The following SLC35F4 variants were observed in gnomAD, a reference collection of about 807,000 sequenced individuals.
SLC35F4 encodes chromosome 14 open reading frame 36.
SLC35F4 carries 24 observed loss-of-function variants against 44.2 expected under a neutral mutation model. The ratio of observed to expected loss-of-function variants is 0.54; its 90% CI spans 0.39 to 0.76. The LOEUF (loss-of-function observed/expected upper bound fraction) is 0.76, where lower values mean the gene tolerates loss of function less well. Among genes scored for constraint, SLC35F4 ranks in the 30% least tolerant of loss-of-function variants. SLC35F4 has a pLI of 0.00. For synonymous variants in SLC35F4, 238 were observed against 223.6 expected (o/e 1.06, Z -0.57); for missense variants, 562 against 586.1 (o/e 0.96, Z 0.42).
At chr14:57,914,517 C>T (rs1889279208) in intron 1 of SLC35F4, among the ~76,000 whole-genome samples, 2 of 151,816 alleles carry the variant, frequency 1.3e-5, no homozygotes, top group African/African-American at 4.8e-5. Context: ...GAGCCGAGAT[C>T]GCGCCACTGC....
chr14:57,611,861 C>A (rs536342890), intron 1 of SLC35F4, among the ~76,000 whole-genome samples: 1 of 152,234 alleles, frequency 6.6e-6, no homozygotes, highest in East Asian at 1.9e-4. Flanking sequence ...AGTAACCTGG[C>A]CTCCCTCCCA....
intron 1 of SLC35F4, among the ~76,000 whole-genome samples, chr14:57,625,549 C>G (rs2072430547): frequency 6.6e-6 from 1 of 152,176 alleles, no homozygotes; most frequent in East Asian, 1.9e-4. Flanking sequence ...TGACTTCAAA[C>G]TATACTACAA....
chr14:57,590,791 G>T (rs376339507), intron 2 of SLC35F4, among the ~76,000 whole-genome samples: 38 of 152,266 alleles, frequency 2.5e-4, no homozygotes, highest in African/African-American at 9.1e-4. Context: ...TTAAAGTAGC[G>T]CAGCCCAGAG....
intron 1 of SLC35F4, among the ~76,000 whole-genome samples, chr14:57,811,403 T>C (rs1014987303): frequency 3.3e-5 from 5 of 152,156 alleles, no homozygotes; most frequent in Non-Finnish European, 5.9e-5. Flanking sequence ...ATAAAATGTA[T>C]ATCAGGAGGC....
At chr14:57,837,789 T>C (rs149404283) in intron 1 of SLC35F4, 2 of 152,330 alleles carry the variant, frequency 1.3e-5, no homozygotes, top group East Asian at 3.9e-4. Context: ...CTCTTTTCTG[T>C]GAATAAATTA....
chr14:57,971,355 A>G (rs1328538148), intron 1 of SLC35F4, among the ~76,000 whole-genome samples: 1 of 152,256 alleles, frequency 6.6e-6, no homozygotes, highest in African/African-American at 2.4e-5. Context: ...GTTAAATTTT[A>G]AAAGATCCTG....
At chr14:57,946,469 C>CTTTTTTTTTTTTTTTTTTTTT (rs71104596) in intron 1 of SLC35F4, among the ~76,000 whole-genome samples, 1 of 78,214 alleles carries the variant, frequency 1.3e-5, no homozygotes, top group African/African-American at 5.8e-5. Context: ...GTTTTCTTTT[C>CTTTTTTTTTTTTTTTTTTTTT]TTTTTTTTTT....
At chr14:57,720,874 G>A (rs2076067072) in intron 1 of SLC35F4, among the ~76,000 whole-genome samples, 1 of 151,144 alleles carries the variant, frequency 6.6e-6, no homozygotes, top group Non-Finnish European at 1.5e-5. Flanking sequence ...TCAAACATTG[G>A]ACTTCAAGTT....
chr14:57,687,373 A>G (rs146394235), intron 1 of SLC35F4, among the ~76,000 whole-genome samples: 4 of 152,206 alleles, frequency 2.6e-5, no homozygotes, highest in African/African-American at 9.6e-5. Context: ...AGACCTGTTT[A>G]TATATCTGCT....
intron 1 of SLC35F4, among the ~76,000 whole-genome samples, chr14:57,744,895 A>T (rs2076714420): frequency 1.3e-5 from 2 of 152,226 alleles, no homozygotes; most frequent in Admixed American, 1.3e-4. Flanking sequence ...AAACAGAGAT[A>T]TAGACCAATG....
At chr14:57,579,922 A>C (rs763007568) in intron 4 of SLC35F4, among the ~76,000 whole-genome samples, 1 of 152,190 alleles carries the variant, frequency 6.6e-6, no homozygotes, top group Non-Finnish European at 1.5e-5. Flanking sequence ...ACAGTGGACA[A>C]TATAGGAAAG....
intron 1 of SLC35F4, among the ~76,000 whole-genome samples, chr14:57,978,997 C>CA (rs1216021096): frequency 2.6e-5 from 4 of 152,192 alleles, no homozygotes; most frequent in African/African-American, 4.8e-5. Flanking sequence ...CTATGGGATT[C>CA]ATAGGACATC....
chr14:57,890,456 G>T (rs1024058633), intron 1 of SLC35F4, among the ~76,000 whole-genome samples: 23 of 152,166 alleles, frequency 1.5e-4, no homozygotes, highest in African/African-American at 5.5e-4. Context: ...AAATTTGAAT[G>T]TTTGATTTTC....
At chr14:57,691,613 A>G (rs1399808501) in intron 1 of SLC35F4, among the ~76,000 whole-genome samples, 1 of 152,248 alleles carries the variant, frequency 6.6e-6, no homozygotes, top group East Asian at 1.9e-4. Context: ...TTGCAGCAAA[A>G]TAATTTTTAT....
At chr14:57,747,158 G>A (rs538750764) in intron 1 of SLC35F4, among the ~76,000 whole-genome samples, 1 of 152,138 alleles carries the variant, frequency 6.6e-6, no homozygotes, top group Non-Finnish European at 1.5e-5. Context: ...TTGCTCTTTT[G>A]AAGGTTATCT....
At chr14:57,849,990 T>G in intron 1 of SLC35F4, among the ~76,000 whole-genome samples, 1 of 152,164 alleles carries the variant, frequency 6.6e-6, no homozygotes, top group East Asian at 1.9e-4. Context: ...AGTGCCTTTA[T>G]CAAATAAAAC....
chr14:57,712,712 T>C (rs1380109993), intron 1 of SLC35F4, among the ~76,000 whole-genome samples: 1 of 152,248 alleles, frequency 6.6e-6, no homozygotes, highest in East Asian at 1.9e-4. Context: ...TATTTTTGAA[T>C]TTACATAACA....
chr14:57,684,698 G>C (rs2075017653), intron 1 of SLC35F4, among the ~76,000 whole-genome samples: 1 of 152,180 alleles, frequency 6.6e-6, no homozygotes, highest in African/African-American at 2.4e-5. Flanking sequence ...CCTCCTGACA[G>C]AAACATTAAA....
At chr14:57,921,839 C>T (rs549533944) in intron 1 of SLC35F4, among the ~76,000 whole-genome samples, 23 of 152,284 alleles carry the variant, frequency 1.5e-4, no homozygotes, top group South Asian at 2.1e-4. Context: ...GATTAGGTCA[C>T]GTTCTGAGCT....
Sources: gnomAD v4.1 joint callset for allele counts (sites outside exome capture counted in the v4.1 genomes callset) on GRCh38, gnomAD v4.1.1 for gene constraint, MANE v1.5 for transcripts, NCBI Gene and HGNC (gene_info 2026-07-23, HGNC 2026-07-21) for gene names.